TTC7A: variants seen among roughly 807,000 people sequenced by gnomAD.
The protein encoded by TTC7A is tetratricopeptide repeat protein 7A.
In TTC7A, 110 loss-of-function variants were observed where a neutral mutation model predicts 103.7. The ratio of observed to expected loss-of-function variants is 1.06; its 90% confidence interval spans 0.91 to 1.24. The LOEUF (loss-of-function observed/expected upper bound fraction) is 1.24, where lower values mean the gene tolerates loss of function less well. Among genes scored for constraint, TTC7A ranks in the 50% most tolerant of loss-of-function variants. TTC7A has a pLI of 0.00. For missense variants in TTC7A, 1,340 were observed against 1,116.3 expected (o/e 1.20, Z -2.86); for synonymous variants, 521 against 467.9 (o/e 1.11, Z -1.47).
intron 5 of TTC7A, among the ~76,000 whole-genome samples, chr2:46,986,923 C>T (rs951993654): frequency 6.6e-6 from 1 of 152,210 alleles, no homozygotes; most frequent in Non-Finnish European, 1.5e-5. Context: ...CTGTCTCTGG[C>T]TAAGCCTGAG....
chr2:46,976,937 A>G (rs1238414941), intron 4 of TTC7A, among the ~76,000 whole-genome samples: 1 of 152,248 alleles, frequency 6.6e-6, no homozygotes, highest in Non-Finnish European at 1.5e-5. Flanking sequence ...GGCAGAGGCC[A>G]CTTAAAGGCT....
At position 47,054,213 on chromosome 2, in the gene TTC7A, G is replaced by C. The variant is rs149561065; in HGVS notation, c.2152+2333G>C. ...GGGTGCATGTAGCAGATCCAAAATA[G>C]CAGTGTCTTGCACAAGGTGGGTGCT... On this transcript the variant is annotated intron_variant, in intron 18 of 19. Transcript: ENST00000319190. 4 of 967,834 alleles carry C rather than the reference G, an allele frequency of 4.1e-6. No homozygotes were observed. The East Asian group carries it at 4.6e-4, about 111-fold the overall frequency. 60.0% of individuals were successfully genotyped at this position (967,834 alleles called of 1,614,324 possible). A position where few individuals can be genotyped will look rare whatever the true frequency, so the allele number is the denominator to read the frequency against.
chr2:47,068,085 G>C (rs1443510573), intron 19 of TTC7A: 1 of 152,366 alleles, frequency 6.6e-6, no homozygotes, highest in African/African-American at 2.4e-5. Flanking sequence ...AGATACCTTG[G>C]GTAATCTGTG....
chr2:47,039,891 G>A (rs1452355846), intron 15 of TTC7A, among the ~76,000 whole-genome samples: 1 of 152,232 alleles, frequency 6.6e-6, no homozygotes, highest in African/African-American at 2.4e-5. Flanking sequence ...CAACCTCACT[G>A]GTCTCTAACT....
chr2:46,980,857 A>G (rs1674380798), intron 5 of TTC7A, among the ~76,000 whole-genome samples: 1 of 152,242 alleles, frequency 6.6e-6, no homozygotes, highest in East Asian at 1.9e-4. Context: ...CATGGAACCC[A>G]GGAGAGCAGT....
At chr2:47,073,169 A>G (rs911112382) in intron 19 of TTC7A, among the ~76,000 whole-genome samples, 1 of 152,140 alleles carries the variant, frequency 6.6e-6, no homozygotes, top group Non-Finnish European at 1.5e-5. Context: ...AAGGCCTGTA[A>G]TGCGTCCTCC....
chr2:46,941,887 C>T lies in TTC7A; in HGVS notation c.184+162C>T, dbSNP rs1191193414. 3.4e-6 allele frequency: 3 copies of T among 880,174 alleles called. No homozygotes were observed. The highest frequency in any genetic ancestry group is 5.2e-6 in the Non-Finnish European group (3 of 579,414). 54.5% of individuals were successfully genotyped at this position (880,174 alleles called of 1,614,324 possible). ...GGCAGTTAGGAAGGTCCTTCTGCCG[C>T]GAGAGAAAAATCACATGTGGTTTGG... On this transcript the variant is annotated intron_variant, in intron 1 of 19. Transcript: ENST00000319190. This position sits in a 1 kb window ranked among gnomAD's most constrained non-coding sequence, Gnocchi z 4.2.
intron 15 of TTC7A, among the ~76,000 whole-genome samples, chr2:47,037,570 G>A (rs1044519658): frequency 1.3e-5 from 2 of 152,226 alleles, no homozygotes; most frequent in East Asian, 1.9e-4. Context: ...GAGCAGAGGC[G>A]AGAACCCATG....
At chr2:47,037,547 C>A (rs1681247357) in intron 15 of TTC7A, among the ~76,000 whole-genome samples, 1 of 152,218 alleles carries the variant, frequency 6.6e-6, no homozygotes, top group Non-Finnish European at 1.5e-5. Context: ...GATCACATAG[C>A]TGATGAGTGG....
chr2:47,014,699 G>A (rs188206958), intron 11 of TTC7A, among the ~76,000 whole-genome samples: 12 of 152,350 alleles, frequency 7.9e-5, no homozygotes, highest in East Asian at 7.7e-4. Context: ...AGTTATTCTG[G>A]CTCACGTCAG....
At chr2:47,070,434 C>G (rs1684581411) in intron 19 of TTC7A, among the ~76,000 whole-genome samples, 1 of 152,234 alleles carries the variant, frequency 6.6e-6, no homozygotes, top group Non-Finnish European at 1.5e-5. Flanking sequence ...GGTTCCCTGG[C>G]TCTGCATTTG....
chr2:46,966,344 G>A (rs1041576877), intron 3 of TTC7A, among the ~76,000 whole-genome samples: 8 of 152,124 alleles, frequency 5.3e-5, no homozygotes, highest in Admixed American at 2.0e-4. Flanking sequence ...TTGTATTTGC[G>A]GAAACAGACT....
At position 46,941,623 on chromosome 2, in the gene TTC7A, C is replaced by T; in HGVS notation, c.82C>T (p.Arg28Cys). 1 of 1,555,764 alleles carries T rather than the reference C, an allele frequency of 6.4e-7. No homozygotes were observed. Residue 28 changes from arginine (R) to cysteine (C), a missense_variant, in exon 1 of 20, where the codon CGC becomes TGC. Coordinates refer to ENST00000319190, the MANE Select transcript of TTC7A (RefSeq NM_020458.4). The surrounding 1 kb of genome is among the most constrained non-coding windows in gnomAD (Gnocchi z 4.2). Reference protein sequence around the residue: ...ERCRAEGHWDRMPELVRQLQT... With the variant: ...ERCRAEGHWDCMPELVRQLQT... Reference sequence around the variant, plus strand: ...CTGCCGCGCCGAGGGCCACTGGGACCGCATGCCGGAGCTGGTCCGGCAGCT... The same window carrying T: ...CTGCCGCGCCGAGGGCCACTGGGACTGCATGCCGGAGCTGGTCCGGCAGCT...
intron 17 of TTC7A, among the ~76,000 whole-genome samples, chr2:47,051,357 T>A (rs998354315): frequency 2.0e-5 from 3 of 152,240 alleles, no homozygotes; most frequent in Non-Finnish European, 4.4e-5. Context: ...TATCTGTATT[T>A]GTATTTTGTT....
intron 2 of TTC7A, among the ~76,000 whole-genome samples, chr2:46,926,318 GGA>G (rs1669381574): frequency 6.6e-6 from 1 of 152,206 alleles, no homozygotes; most frequent in African/African-American, 2.4e-5. Context: ...GCTAAACAGT[GGA>G]GATCGGAGTA....
intron 13 of TTC7A, 98 bp downstream of exon 13, chr2:47,023,563 C>T: frequency 1.6e-6 from 2 of 1,261,278 alleles, no homozygotes; most frequent in Non-Finnish European, 2.3e-6. Context: ...GCAGAACAAA[C>T]ATTTCTATCT....
In TTC7A at chr2:47,021,988, C is replaced by T. The variant is rs765365865; in HGVS notation, c.1510+9C>T. 1.3e-6 allele frequency: 2 copies of T among 1,599,372 alleles called. No homozygotes were observed. The highest frequency in any genetic ancestry group is 8.6e-7 in the Non-Finnish European group (1 of 1,168,334). ...CCTGCAGGCCACCGACGGTGAGTGC[C>T]AGGCCCCAGGAGGCCTCTACTTGGG... is the stretch of plus-strand genomic sequence containing the variant. On this transcript the variant is annotated intron_variant, in intron 12 of 19. Coordinates refer to ENST00000319190, the MANE Select transcript of TTC7A (RefSeq NM_020458.4).
At chr2:46,989,767 A>T (rs1009131243) in intron 5 of TTC7A, among the ~76,000 whole-genome samples, 2 of 152,040 alleles carry the variant, frequency 1.3e-5, no homozygotes, top group Non-Finnish European at 2.9e-5. Context: ...GAATCTTAAG[A>T]TGCATAATGT....
In TTC7A at chr2:47,005,716, T is replaced by C. The variant is rs1677301016; in HGVS notation, c.1066-206T>C. ...CTCAGAACTGCTCCCTCACCTAAACTGGGCTAAGGGTGAAGGATTTTCTCT... is the reference window on the plus strand; with the variant it reads ...CTCAGAACTGCTCCCTCACCTAAACCGGGCTAAGGGTGAAGGATTTTCTCT... On this transcript the variant is annotated intron_variant, in intron 8 of 19. Transcript: ENST00000319190. Among the ~76,000 whole-genome samples the C allele has an allele frequency of 2.0e-5, 3 of 152,148 alleles. No homozygotes were observed. In the South Asian group the frequency reaches 6.2e-4, roughly 32 times the overall value.
Sources: gnomAD v4.1 joint callset for allele counts (sites outside exome capture counted in the v4.1 genomes callset) on GRCh38, gnomAD v4.1.1 for gene constraint, Gnocchi (gnomAD v3.1) non-coding constraint, MANE v1.5 for transcripts, NCBI Gene and HGNC (gene_info 2026-07-23, HGNC 2026-07-21) for gene names.